The following ABHD2 variants were observed in gnomAD, a reference collection of about 807,000 sequenced individuals.
The protein encoded by ABHD2 is monoacylglycerol lipase ABHD2.
ABHD2 carries 20 observed loss-of-function variants against 48.1 expected under a neutral mutation model. The ratio of observed to expected loss-of-function variants is 0.42; its 90% CI spans 0.29 to 0.60. The LOEUF is 0.60. Ranked by LOEUF, ABHD2 falls within the 20% of genes least tolerant of loss-of-function variation. The pLI, the probability that ABHD2 is intolerant of heterozygous loss-of-function variation, is 0.24. For synonymous variants in ABHD2, 209 were observed against 214.2 expected (o/e 0.98, Z 0.21); for missense variants, 405 against 550.9 (o/e 0.74, Z 2.65).
At chr15:89,132,301 A>G (rs995564012) in intron 3 of ABHD2, among the ~76,000 whole-genome samples, 3 of 152,180 alleles carry the variant, frequency 2.0e-5, no homozygotes, top group Non-Finnish European at 4.4e-5. Context: ...GTAAGGGACA[A>G]ATTGAATTAT....
chr15:89,144,427 C>T (rs373359781), intron 3 of ABHD2, among the ~76,000 whole-genome samples: 6 of 152,120 alleles, frequency 3.9e-5, no homozygotes, highest in African/African-American at 7.2e-5. Flanking sequence ...GCCACCACAC[C>T]GGGCCTACCA....
the ABHD2 span, among the ~76,000 whole-genome samples, chr15:89,068,825 G>C: frequency 2.4e-5 from 3 of 125,104 alleles, no homozygotes; most frequent in South Asian, 8.1e-4. Context: ...CTGGAGTGCA[G>C]TGACTAGATC....
chr15:89,201,593 T>C lies in ABHD2; in HGVS notation c.*6170T>C. 1.9e-6 allele frequency: 3 copies of C among 1,593,424 alleles called. No homozygotes were observed. The South Asian group carries it at 3.3e-5, about 18-fold the overall frequency. On this transcript the variant is annotated 3_prime_UTR_variant, in exon 11 of 11. Transcript: ENST00000352732. Reference sequence around the variant, plus strand: ...TTACTGAAACAGTCACAGTTGACCCTGGGTCAATAATTCCACTGTTGGGCC... The same window carrying C: ...TTACTGAAACAGTCACAGTTGACCCCGGGTCAATAATTCCACTGTTGGGCC...
Position 89,155,615 on chromosome 15 carries a change from A to C in ABHD2, c.538+81A>C. 1 of 1,528,734 alleles carries C rather than the reference A, an allele frequency of 6.5e-7. No homozygotes were observed. The highest frequency in any genetic ancestry group is 1.3e-5 in the South Asian group (1 of 79,930). The allele number at this position is 1,528,734 out of a possible 1,614,324, so 94.7% of individuals were successfully genotyped here. On this transcript the variant is annotated intron_variant, in intron 5 of 10. Transcript: ENST00000352732. This position sits in a 1 kb window ranked among gnomAD's most constrained non-coding sequence, Gnocchi z 4.9. ...CTTCTGCCTTGTTTTTTCTTTTTTTAAGTTTTAAACCTATGCCCATCTGCA... is the reference window on the plus strand; with the variant it reads ...CTTCTGCCTTGTTTTTTCTTTTTTTCAGTTTTAAACCTATGCCCATCTGCA...
the ABHD2 span, among the ~76,000 whole-genome samples, chr15:89,059,060 C>G: frequency 6.6e-6 from 1 of 152,306 alleles, no homozygotes; most frequent in East Asian, 1.9e-4. Flanking sequence ...ACGCAGAGAG[C>G]TGCCAAGTTG....
At chr15:89,145,858 C>T (rs571005507) in intron 3 of ABHD2, among the ~76,000 whole-genome samples, 3 of 152,320 alleles carry the variant, frequency 2.0e-5, no homozygotes, top group African/African-American at 7.2e-5. Context: ...ATCCTGCCCT[C>T]ATTTCACGCC....
At chr15:89,123,391 A>G (rs914691644) in intron 3 of ABHD2, among the ~76,000 whole-genome samples, 3 of 152,148 alleles carry the variant, frequency 2.0e-5, no homozygotes, top group Admixed American at 2.0e-4. Flanking sequence ...TTTCCTGCCA[A>G]TTAGTCATCC....
At chr15:89,117,889 C>T (rs185222606) in intron 3 of ABHD2, among the ~76,000 whole-genome samples, 270 of 152,250 alleles carry the variant, frequency 1.8e-3, no homozygotes, top group African/African-American at 6.3e-3. Context: ...TGTACATGGG[C>T]GGTATTCTTA....
intron 3 of ABHD2, among the ~76,000 whole-genome samples, chr15:89,133,248 T>C (rs1471418685): frequency 6.7e-6 from 1 of 149,714 alleles, no homozygotes; most frequent in African/African-American, 2.4e-5. Flanking sequence ...CATTTATGTC[T>C]TGACTGCTTC....
At position 89,151,999 on chromosome 15, in the gene ABHD2, G is replaced by T; in HGVS notation, c.370+147G>T. The T allele has an allele frequency of 1.0e-6, 1 of 990,294 alleles. No homozygotes were observed. The highest frequency in any genetic ancestry group is 1.5e-6 in the Non-Finnish European group (1 of 680,110). The allele number at this position is 990,294 out of a possible 1,614,324, so 61.3% of individuals were successfully genotyped here. Reference sequence around the variant, plus strand: ...GAAGCCTGCTGGGATTCGTCACTTAGGAGCAGCCTGCAAAGGTTAGCTTCA... The same window carrying T: ...GAAGCCTGCTGGGATTCGTCACTTATGAGCAGCCTGCAAAGGTTAGCTTCA... On this transcript the variant is annotated intron_variant, in intron 4 of 10. Coordinates refer to ENST00000352732, the MANE Select transcript of ABHD2 (RefSeq NM_152924.5). The surrounding 1 kb of genome is among the most constrained non-coding windows in gnomAD (Gnocchi z 4.7).
the ABHD2 span, among the ~76,000 whole-genome samples, chr15:89,043,950 T>C: frequency 0.27 from 41,508 of 151,526 alleles, 6,030 homozygotes; most frequent in African/African-American, 0.37. Context: ...ATGTGCACAA[T>C]GTGCAGGTTA....
At position 89,137,115 on chromosome 15, in the gene ABHD2, C is replaced by A. The variant is rs541344639; in HGVS notation, c.195-14562C>A. Among the ~76,000 whole-genome samples the A allele has an allele frequency of 6.6e-6, 1 of 152,144 alleles. No homozygotes were observed. The highest frequency in any genetic ancestry group is 2.1e-4 in the South Asian group (1 of 4,828). The stretch of plus-strand genomic sequence containing the variant: ...GCTGTTTGCAGGACCAGTTCTCTAA[C>A]GGATCCAGGGTTCCAGTGGAACCCT... On this transcript the variant is annotated intron_variant, in intron 3 of 10. Coordinates refer to ENST00000352732, the MANE Select transcript of ABHD2 (RefSeq NM_152924.5). This position sits in a 1 kb window ranked among gnomAD's most constrained non-coding sequence, Gnocchi z 4.8.
intron 3 of ABHD2, among the ~76,000 whole-genome samples, chr15:89,143,485 T>C (rs1482567485): frequency 6.6e-6 from 1 of 152,092 alleles, no homozygotes; most frequent in Non-Finnish European, 1.5e-5. Context: ...CTGACCAACA[T>C]GGAGAAACCC....
chr15:89,135,514 A>G (rs1346214274), intron 3 of ABHD2: 4 of 1,108,612 alleles, frequency 3.6e-6, no homozygotes, highest in Non-Finnish European at 5.4e-6. Flanking sequence ...TGCTTTATAG[A>G]CGAGAAAAAA....
At chr15:89,123,718 C>T (rs750398001) in intron 3 of ABHD2, among the ~76,000 whole-genome samples, 3 of 151,520 alleles carry the variant, frequency 2.0e-5, no homozygotes, top group Admixed American at 6.6e-5. Flanking sequence ...CCATCTCAGC[C>T]TCACAAGTGT....
At chr15:89,143,285 C>T (rs566076098) in intron 3 of ABHD2, among the ~76,000 whole-genome samples, 12 of 152,262 alleles carry the variant, frequency 7.9e-5, no homozygotes, top group African/African-American at 2.9e-4. Flanking sequence ...TTAACTATTG[C>T]CAGTTTTATT....
intron 1 of ABHD2, among the ~76,000 whole-genome samples, chr15:89,109,106 G>A (rs949081562): frequency 2.0e-5 from 3 of 152,220 alleles, no homozygotes; most frequent in African/African-American, 4.8e-5. Flanking sequence ...TTTTCCCAGT[G>A]CAGTGGCAGT....
At chr15:89,154,066 T>G (rs1166224567) in intron 4 of ABHD2, among the ~76,000 whole-genome samples, 1 of 152,220 alleles carries the variant, frequency 6.6e-6, no homozygotes, top group Non-Finnish European at 1.5e-5. Context: ...TGGAATTTAC[T>G]AGGTCGAAGC....
intron 3 of ABHD2, among the ~76,000 whole-genome samples, chr15:89,139,463 T>A (rs369744228): frequency 1.3e-5 from 2 of 152,198 alleles, no homozygotes; most frequent in East Asian, 1.9e-4. Flanking sequence ...TACCTTCAGA[T>A]TACGAATGCC....
Sources: gnomAD v4.1 joint callset for allele counts (sites outside exome capture counted in the v4.1 genomes callset) on GRCh38, gnomAD v4.1.1 for gene constraint, Gnocchi (gnomAD v3.1) non-coding constraint, MANE v1.5 for transcripts, NCBI Gene and HGNC (gene_info 2026-07-23, HGNC 2026-07-21) for gene names.